RPL31: variants seen among roughly 807,000 people sequenced by gnomAD.
The protein encoded by RPL31 is large ribosomal subunit protein eL31.
For synonymous variants in RPL31, 51 were observed against 55.0 expected, an observed-to-expected ratio of 0.93 and a Z score of 0.32; for missense variants, 95 against 164.0, an observed-to-expected ratio of 0.58 and a Z score of 2.30.
chr2:101,010,203 A>G (rs552069433), downstream of RPL31, among the ~76,000 whole-genome samples: 1 of 152,286 alleles, frequency 6.6e-6, no homozygotes, highest in Non-Finnish European at 1.5e-5. Context: ...GAACCTGAAT[A>G]TGGCACAACC....
Position 101,016,637 on chromosome 2 carries a change from C to T in RPL31, c.347-2361C>T, listed in dbSNP as rs370840737. ...GACACATGCACACGTATGTTTATTG[C>T]GGCACTATTCACAATAGCAAAGACT... On this transcript the variant is annotated intron_variant, in intron 4 of 4. Transcript: ENST00000409028. Among the ~76,000 whole-genome samples the T allele has an allele frequency of 2.4e-4, 37 of 151,884 alleles. 1 individual carries two copies. The highest frequency in any genetic ancestry group is 4.4e-4 in the Non-Finnish European group (30 of 67,960).
chr2:101,005,870 A>G (rs1265613780), intron 3 of RPL31, 89 bp from the exon 4 acceptor site: 1 of 1,093,906 alleles, frequency 9.1e-7, no homozygotes, highest in Admixed American at 2.0e-5. Flanking sequence ...CAGCATTAGA[A>G]GCAGGCATAT....
chr2:101,019,590 C>G (rs1260794617), exon 5 of RPL31: 1 of 152,512 alleles, frequency 6.6e-6, no homozygotes, highest in African/African-American at 2.4e-5. Flanking sequence ...ATCTTAATTT[C>G]CACTGAACTT....
At chr2:101,005,871 G>A in intron 3 of RPL31, 88 bp from the exon 4 acceptor site, 1 of 1,092,312 alleles carries the variant, frequency 9.2e-7, no homozygotes, top group Non-Finnish European at 1.4e-6. Context: ...AGCATTAGAA[G>A]CAGGCATATG....
At chr2:101,010,991 T>A, downstream of RPL31, 1 of 1,613,074 alleles carries the variant, frequency 6.2e-7, no homozygotes, top group Non-Finnish European at 8.5e-7. Flanking sequence ...TCCTTAATCA[T>A]CTGCTTCAGC....
chr2:101,003,687 C>T (rs915546291), intron 2 of RPL31, among the ~76,000 whole-genome samples: 3 of 152,226 alleles, frequency 2.0e-5, no homozygotes, highest in African/African-American at 7.2e-5. Flanking sequence ...TACTGCCATT[C>T]ATCATACTCA....
chr2:101,013,959 T>C lies in RPL31; in HGVS notation c.347-5039T>C, dbSNP rs563235983. ...ATAGCAGCGAGGCCCTGCGCTTGGA[T>C]TAATCAGAAATTCCAATACAGCCAA... On this transcript the variant is annotated intron_variant, in intron 4 of 4. Transcript: ENST00000409028. 2.6e-5 allele frequency among the ~76,000 whole-genome samples: 4 copies of C among 152,346 alleles called. No individual in the cohort carries two copies. In the East Asian group the frequency reaches 5.8e-4, roughly 22 times the overall value.
downstream of RPL31, chr2:101,011,173 G>C: frequency 1.3e-6 from 1 of 784,338 alleles, no homozygotes; most frequent in South Asian, 1.8e-5. Flanking sequence ...GATTCCCCTG[G>C]AGAGCCAGTG....
downstream of RPL31, among the ~76,000 whole-genome samples, chr2:101,008,753 G>T (rs999667504): frequency 3.3e-5 from 5 of 151,794 alleles, no homozygotes; most frequent in African/African-American, 1.2e-4. Flanking sequence ...CAAAGGTTGT[G>T]GTAGTCAAGA....
chr2:101,004,346 G>T (rs1447941103), intron 3 of RPL31, 63 bp downstream of exon 3: 3 of 1,579,388 alleles, frequency 1.9e-6, no homozygotes, highest in Non-Finnish European at 2.6e-6. Context: ...ACTTAACCCT[G>T]CAAGAGCCCA....
Position 101,015,293 on chromosome 2 carries a change from C to A in RPL31, c.347-3705C>A, listed in dbSNP as rs569544945. Among the ~76,000 whole-genome samples the A allele has an allele frequency of 3.9e-5, 6 of 152,182 alleles. No individual in the cohort carries two copies. In the South Asian group the frequency reaches 1.0e-3, roughly 26 times the overall value. Reference sequence around the variant, plus strand: ...GACCACTTACTATGAATGGAGGTTGCAGGGCTGTGGAAGCTGTTCTGGGCA... The same window carrying A: ...GACCACTTACTATGAATGGAGGTTGAAGGGCTGTGGAAGCTGTTCTGGGCA... On this transcript the variant is annotated intron_variant, in intron 4 of 4. Coordinates refer to the RPL31 transcript ENST00000409028.
chr2:101,009,788 C>T (rs918942508), downstream of RPL31, among the ~76,000 whole-genome samples: 1 of 151,290 alleles, frequency 6.6e-6, no homozygotes, highest in Admixed American at 6.6e-5. Flanking sequence ...TAGTCCACAG[C>T]ACCAAAATGA....
chr2:101,008,462 A>T (rs550930897), downstream of RPL31, among the ~76,000 whole-genome samples: 8 of 152,194 alleles, frequency 5.3e-5, no homozygotes, highest in Non-Finnish European at 1.2e-4. Context: ...TTCAGCACAG[A>T]CTTGGAAATG....
intron 2 of RPL31, 143 bp downstream of exon 2, chr2:101,002,951 G>T (rs975921618): frequency 1.5e-6 from 1 of 655,218 alleles, no homozygotes; most frequent in African/African-American, 1.8e-5. Flanking sequence ...AATCCTGTGG[G>T]CTCTACCCTC....
intron 4 of RPL31, among the ~76,000 whole-genome samples, chr2:101,012,951 C>G (rs17719821): frequency 0.25 from 38,144 of 152,136 alleles, 5,437 homozygotes; most frequent in South Asian, 0.38. Flanking sequence ...AGGAAAATTG[C>G]AAACCGTGAA....
At chr2:101,005,877 A>G (rs1317400764) in intron 3 of RPL31, 82 bp from the exon 4 acceptor site, 2 of 1,145,328 alleles carry the variant, frequency 1.7e-6, no homozygotes, top group Non-Finnish European at 2.6e-6. Flanking sequence ...AGAAGCAGGC[A>G]TATGAGATAT....
chr2:101,002,733 A>G lies in RPL31; in HGVS notation c.32A>G (p.Lys11Arg). ...CCCGCAAAGAAGGGTGGCGAGAAGA[A>G]AAAGGGCCGTTCTGCCATCAACGAA... MAPAKKGGEK[K>R]KGRSAINEVV... The change falls in exon 2 of 5, where the codon AAA becomes AGA. Residue 11 changes from lysine to arginine, a missense_variant. Physicochemically the swap from Lys to Arg is conservative, Grantham distance 26. Coordinates refer to ENST00000264258, the MANE Select transcript of RPL31 (RefSeq NM_000993.5). The G allele has an allele frequency of 6.2e-7, 1 of 1,614,156 alleles. No homozygotes were observed. The highest frequency in any genetic ancestry group is 8.5e-7 in the Non-Finnish European group (1 of 1,180,014).
Position 101,007,021 on chromosome 2 carries a change from C to G in RPL31, c.*640C>G, listed in dbSNP as rs1470107999. ...CAGTGTTGCTGAGATTATGTTTCAC[C>G]AGCATTTACAAGCTGTATGTTAAAT... On this transcript the variant is annotated 3_prime_UTR_variant, in exon 5 of 5. Coordinates refer to ENST00000264258, the MANE Select transcript of RPL31 (RefSeq NM_000993.5). 6.6e-6 allele frequency: 1 copy of G among 152,150 alleles called. No individual in the cohort carries two copies. The highest frequency in any genetic ancestry group is 1.5e-5 in the Non-Finnish European group (1 of 68,060). 9.4% of individuals were successfully genotyped at this position (152,150 alleles called of 1,614,324 possible). A position where few individuals can be genotyped will look rare whatever the true frequency, so the allele number is the denominator to read the frequency against.
intron 4 of RPL31, among the ~76,000 whole-genome samples, chr2:101,015,237 A>G: frequency 1.3e-5 from 2 of 152,292 alleles, no homozygotes; most frequent in Middle Eastern, 6.8e-3. Context: ...AAAATATGGT[A>G]TAAAAGAAAA....
Sources: gnomAD v4.1 joint callset for allele counts (sites outside exome capture counted in the v4.1 genomes callset) on GRCh38, gnomAD v4.1.1 for gene constraint, MANE v1.5 for transcripts, NCBI Gene and HGNC (gene_info 2026-07-23, HGNC 2026-07-21) for gene names.